PCGF5: variants seen among roughly 807,000 people sequenced by gnomAD.
The protein encoded by PCGF5 is polycomb group RING finger protein 5.
A neutral mutation model predicts 44.3 loss-of-function variants in PCGF5; 9 were observed. The ratio of observed to expected loss-of-function variants is 0.20; its 90% CI spans 0.12 to 0.35. PCGF5 has a LOEUF of 0.35. Ranked by LOEUF, PCGF5 falls within the 10% of genes least tolerant of loss-of-function variation. The pLI is 1.00. For missense variants in PCGF5, 146 were observed against 305.3 expected (o/e 0.48, Z 3.89); for synonymous variants, 95 against 102.5 (o/e 0.93, Z 0.44).
At chr10:91,176,295 G>C (rs10785993) in intron 1 of PCGF5, among the ~76,000 whole-genome samples, 46,286 of 152,164 alleles carry the variant, frequency 0.3, 8,850 homozygotes, top group Non-Finnish European at 0.42. Flanking sequence ...TAGTCTGATG[G>C]GCTTCCCTTT....
intron 1 of PCGF5, among the ~76,000 whole-genome samples, chr10:91,190,231 C>A (rs1844007042): frequency 6.6e-6 from 1 of 152,176 alleles, no homozygotes; most frequent in African/African-American, 2.4e-5. Context: ...GGGCACTAAC[C>A]CCAATCATGT....
chr10:91,182,469 A>G (rs1843839029), intron 1 of PCGF5, among the ~76,000 whole-genome samples: 1 of 151,736 alleles, frequency 6.6e-6, no homozygotes, highest in Non-Finnish European at 1.5e-5. Flanking sequence ...AGTTGTCTAT[A>G]TATTTTATTA....
chr10:91,248,610 C>A (rs770838566), intron 4 of PCGF5, 50 bp downstream of exon 4: 1 of 1,597,624 alleles, frequency 6.3e-7, no homozygotes, highest in South Asian at 1.1e-5. Flanking sequence ...ATGAAATCAA[C>A]ACTTCTATTA....
At chr10:91,253,333 A>G (rs192387573) in intron 6 of PCGF5, among the ~76,000 whole-genome samples, 2 of 151,946 alleles carry the variant, frequency 1.3e-5, no homozygotes, top group East Asian at 3.9e-4. Flanking sequence ...CTCGCCCCCT[A>G]CCATTCCACC....
chr10:91,271,517 G>T, intron 8 of PCGF5, 121 bp from the exon 9 acceptor site: 3 of 705,328 alleles, frequency 4.3e-6, no homozygotes, highest in Admixed American at 3.0e-5. Context: ...TTTGGAAAGT[G>T]TTTATTTACC....
chr10:91,157,424 C>T, the PCGF5 span, among the ~76,000 whole-genome samples: 5 of 152,162 alleles, frequency 3.3e-5, no homozygotes. Context: ...AAAATGGCAC[C>T]ATTTTACTAT....
At chr10:91,235,000 T>G (rs1013166851) in intron 2 of PCGF5, among the ~76,000 whole-genome samples, 5 of 152,162 alleles carry the variant, frequency 3.3e-5, no homozygotes, top group Non-Finnish European at 7.3e-5. Flanking sequence ...TTCTTAATGG[T>G]GATAATAAAG....
intron 1 of PCGF5, among the ~76,000 whole-genome samples, chr10:91,182,874 CTCCAAAGTAATTCAGGAGCAGGTTAT>C (rs1406904097): frequency 6.6e-6 from 1 of 152,150 alleles, no homozygotes; most frequent in Non-Finnish European, 1.5e-5. Context: ...TCATTATTTA[CTCCAAAGTAATTCAGGAGCAGGTTAT>C]TCAATTTCCA....
At chr10:91,199,028 A>G (rs7904716) in intron 1 of PCGF5, among the ~76,000 whole-genome samples, 4,413 of 152,220 alleles carry the variant, frequency 0.029, 191 homozygotes, top group African/African-American at 0.097. Context: ...GTTTTTGTTC[A>G]GAAACTGAAA....
chr10:91,159,463 C>T (rs1023330774), upstream of PCGF5, among the ~76,000 whole-genome samples: 1 of 151,956 alleles, frequency 6.6e-6, no homozygotes, highest in African/African-American at 2.4e-5. Context: ...TAAAAGGAAC[C>T]CCAGAGAGCT....
chr10:91,257,652 G>A (rs1228049991), intron 6 of PCGF5, among the ~76,000 whole-genome samples: 1 of 152,092 alleles, frequency 6.6e-6, no homozygotes, highest in East Asian at 1.9e-4. Context: ...GACGGAGTAG[G>A]ATGGTGCAAG....
At chr10:91,205,459 A>G (rs541719674) in intron 1 of PCGF5, among the ~76,000 whole-genome samples, 4 of 152,338 alleles carry the variant, frequency 2.6e-5, no homozygotes, top group Non-Finnish European at 1.5e-5. Context: ...TCCAGCGTTC[A>G]TTCATAAACT....
intron 1 of PCGF5, among the ~76,000 whole-genome samples, chr10:91,169,594 G>A (rs945969498): frequency 2.0e-5 from 3 of 152,202 alleles, no homozygotes; most frequent in Non-Finnish European, 4.4e-5. Flanking sequence ...TAAAATCTAT[G>A]TGAGGAAAAC....
At chr10:91,163,328 G>A (rs1318793779) in intron 1 of PCGF5, among the ~76,000 whole-genome samples, 1 of 151,354 alleles carries the variant, frequency 6.6e-6, no homozygotes, top group Non-Finnish European at 1.5e-5. Flanking sequence ...GCGGGGCCGG[G>A]CGCCGGGCGG....
intron 1 of PCGF5, among the ~76,000 whole-genome samples, chr10:91,195,439 T>TATGTATATATATGCATATATATATATGC: frequency 3.6e-5 from 5 of 138,856 alleles, no homozygotes; most frequent in Admixed American, 1.4e-4. Flanking sequence ...ATATAAATCA[T>TATGTATATATATGCATATATATATATGC]ATGTATATAT....
intron 2 of PCGF5, among the ~76,000 whole-genome samples, chr10:91,236,496 T>A (rs1049294967): frequency 6.6e-6 from 1 of 152,226 alleles, no homozygotes; most frequent in Non-Finnish European, 1.5e-5. Flanking sequence ...CTGTTGAGAA[T>A]GAAGACTCTA....
chr10:91,223,117 G>T, intron 2 of PCGF5, 134 bp downstream of exon 2: 2 of 645,852 alleles, frequency 3.1e-6, no homozygotes, highest in African/African-American at 1.9e-5. Flanking sequence ...TTTTAACTTT[G>T]AATTTTCAGA....
Position 91,273,577 on chromosome 10 carries a change from T to A in PCGF5, c.723+1880T>A, listed in dbSNP as rs1012186860. ...TAGCTAATAGGATGCACCGTTAACTTCCTGAAAGGATAACTAAATGGTTTT... is the reference window on the plus strand; with the variant it reads ...TAGCTAATAGGATGCACCGTTAACTACCTGAAAGGATAACTAAATGGTTTT... On this transcript the variant is annotated intron_variant, in intron 9 of 9. Coordinates refer to ENST00000336126, the MANE Select transcript of PCGF5 (RefSeq NM_032373.5). Among the ~76,000 whole-genome samples, 6 of 152,290 alleles carry A rather than the reference T, an allele frequency of 3.9e-5. No homozygotes were observed. The Middle Eastern group carries it at 0.01, about 259-fold the overall frequency.
At chr10:91,221,380 T>G (rs546985955) in intron 1 of PCGF5, among the ~76,000 whole-genome samples, 3 of 152,086 alleles carry the variant, frequency 2.0e-5, no homozygotes, top group African/African-American at 4.8e-5. Flanking sequence ...TCCCAACTTA[T>G]AGAGGAGGAA....
Sources: allele counts gnomAD v4.1 joint callset (sites outside exome capture counted in the v4.1 genomes callset), GRCh38; gene constraint gnomAD v4.1.1; transcripts MANE v1.5; gene names NCBI Gene and HGNC (gene_info 2026-07-23, HGNC 2026-07-21).